The following GARIN2 variants were observed in gnomAD, a reference collection of about 807,000 sequenced individuals.
GARIN2 encodes the protein golgi associated RAB2 interactor family member 2, also known as Golgi-associated RAB2 interactor protein 2.
the GARIN2 span, among the ~76,000 whole-genome samples, chr14:67,216,111 C>T: frequency 2.6e-5 from 4 of 152,132 alleles, no homozygotes; most frequent in African/African-American, 9.7e-5. Flanking sequence ...CTTCTATTAA[C>T]ATCTAACATG....
chr14:67,195,743 G>A, the GARIN2 span, among the ~76,000 whole-genome samples: 4 of 151,732 alleles, frequency 2.6e-5, no homozygotes, highest in Admixed American at 2.6e-4. Flanking sequence ...GTGTGTGTGT[G>A]TGTGTGTGTG....
chr14:67,217,067 G>C, the GARIN2 span, among the ~76,000 whole-genome samples: 8 of 152,092 alleles, frequency 5.3e-5, no homozygotes, highest in Non-Finnish European at 1.0e-4. Flanking sequence ...TCTAATATTT[G>C]CTTTATAAAT....
At chr14:67,197,835 T>TC in the GARIN2 span, among the ~76,000 whole-genome samples, 1 of 152,174 alleles carries the variant, frequency 6.6e-6, no homozygotes, top group African/African-American at 2.4e-5. Flanking sequence ...TCCAGCCCTA[T>TC]ACTCTGGTCA....
the GARIN2 span, chr14:67,204,996 GGAAGTCACA>G: frequency 2.6e-6 from 4 of 1,564,096 alleles, 1 homozygote; most frequent in South Asian, 4.7e-5. Context: ...GAGAAGCCAC[GGAAGTCACA>G]GACAGCTCTG....
chr14:67,216,812 A>G, the GARIN2 span, among the ~76,000 whole-genome samples: 1 of 152,254 alleles, frequency 6.6e-6, no homozygotes, highest in South Asian at 2.1e-4. Flanking sequence ...ACTTTTTGAC[A>G]TTTGTTTTGT....
the GARIN2 span, among the ~76,000 whole-genome samples, chr14:67,201,990 C>T: frequency 6.6e-6 from 1 of 152,108 alleles, no homozygotes; most frequent in Admixed American, 6.6e-5. Flanking sequence ...CCTCTCAACC[C>T]AGCCAGTTTA....
At chr14:67,225,057 TCAC>T in the GARIN2 span, 1 of 1,457,318 alleles carries the variant, frequency 6.9e-7, no homozygotes. Context: ...TTTTTCTTTC[TCAC>T]TTCCTCTCTA....
the GARIN2 span, chr14:67,204,938 T>A: frequency 1.2e-6 from 2 of 1,612,228 alleles, no homozygotes; most frequent in Non-Finnish European, 1.7e-6. Context: ...GAAAATGAGG[T>A]CCCAGAGGTC....
the GARIN2 span, among the ~76,000 whole-genome samples, chr14:67,214,834 G>T: frequency 0.31 from 47,447 of 151,724 alleles, 11,457 homozygotes; most frequent in African/African-American, 0.65. Flanking sequence ...TATCCTCTTT[G>T]ATTTCATTGA....
chr14:67,213,975 A>T, the GARIN2 span, among the ~76,000 whole-genome samples: 14 of 152,118 alleles, frequency 9.2e-5, no homozygotes, highest in African/African-American at 3.4e-4. Flanking sequence ...TTTGAGAAGT[A>T]TCTGTTCATG....
chr14:67,202,706 T>C, the GARIN2 span, among the ~76,000 whole-genome samples: 825 of 152,330 alleles, frequency 5.4e-3, 8 homozygotes, highest in African/African-American at 0.018. Flanking sequence ...AGTAACACTT[T>C]AAACTTATGT....
chr14:67,198,076 C>A, the GARIN2 span: 1 of 1,494,368 alleles, frequency 6.7e-7, no homozygotes, highest in South Asian at 1.3e-5. Context: ...ATAAATGAAG[C>A]AACTTAATTA....
the GARIN2 span, among the ~76,000 whole-genome samples, chr14:67,220,431 G>T: frequency 6.7e-6 from 1 of 150,064 alleles, no homozygotes; most frequent in Non-Finnish European, 1.5e-5. Context: ...AACAGAGAGA[G>T]ACCTTTTCTC....
At chr14:67,190,227 C>CTTT in the GARIN2 span, among the ~76,000 whole-genome samples, 75 of 123,556 alleles carry the variant, frequency 6.1e-4, no homozygotes, top group African/African-American at 1.6e-3. Context: ...TTGTTCTTTT[C>CTTT]TTTTTTTTTT....
the GARIN2 span, chr14:67,199,191 A>C: frequency 2.5e-6 from 4 of 1,606,086 alleles, no homozygotes; most frequent in Non-Finnish European, 3.4e-6. Flanking sequence ...CAACACCCAC[A>C]TGCCAAAGGA....
At chr14:67,192,895 G>A in the GARIN2 span, among the ~76,000 whole-genome samples, 16 of 139,452 alleles carry the variant, frequency 1.1e-4, no homozygotes, top group Admixed American at 2.9e-4. Flanking sequence ...TCTAGATATC[G>A]ATATCTAGAT....
the GARIN2 span, chr14:67,200,045 C>T: frequency 3.1e-5 from 29 of 932,468 alleles, no homozygotes; most frequent in East Asian, 7.2e-4. Flanking sequence ...CACCCAGGCT[C>T]TGGGGGACAG....
chr14:67,225,852 C>T, the GARIN2 span, among the ~76,000 whole-genome samples: 1 of 152,068 alleles, frequency 6.6e-6, no homozygotes, highest in African/African-American at 2.4e-5. Flanking sequence ...CCCAGTAGCA[C>T]AGAAAGAGTG....
chr14:67,193,122 A>C, the GARIN2 span, among the ~76,000 whole-genome samples: 1 of 143,842 alleles, frequency 7.0e-6, no homozygotes, highest in Non-Finnish European at 1.5e-5. Flanking sequence ...ATATCTCTCT[A>C]TATATCTCTA....
Sources: allele counts gnomAD v4.1 joint callset (sites outside exome capture counted in the v4.1 genomes callset), GRCh38; gene constraint gnomAD v4.1.1; transcripts MANE v1.5; gene names NCBI Gene and HGNC (gene_info 2026-07-23, HGNC 2026-07-21).